Variants in ASAP1 observed in about 807,000 individuals in gnomAD.
ASAP1 encodes the protein arf-GAP with SH3 domain, ANK repeat and PH domain-containing protein 1.
A neutral mutation model predicts 145.2 loss-of-function variants in ASAP1; 43 were observed. The ratio of observed to expected loss-of-function variants is 0.30; its 90% CI spans 0.23 to 0.38. The LOEUF is 0.38. Ranked by LOEUF, ASAP1 falls within the 10% of genes least tolerant of loss-of-function variation. The probability of loss-of-function intolerance (pLI) is 1.00; values close to 1 mark genes in which losing one functional copy is unlikely to be tolerated. For missense variants in ASAP1, 1,018 were observed against 1,355.3 expected (o/e 0.75, Z 3.91); for synonymous variants, 546 against 515.5 (o/e 1.06, Z -0.80).
In ASAP1 at chr8:130,079,984, C is replaced by T. The variant is rs764639162; in HGVS notation, c.2573-13G>A. 6 of 1,612,388 alleles carry T rather than the reference C, an allele frequency of 3.7e-6. No homozygotes were observed. The highest frequency in any genetic ancestry group is 5.1e-6 in the Non-Finnish European group (6 of 1,178,590). On this transcript the variant is annotated splice_polypyrimidine_tract_variant and intron_variant, in intron 25 of 29. Coordinates refer to ENST00000518721, the MANE Select transcript of ASAP1 (RefSeq NM_018482.4). The stretch of plus-strand genomic sequence containing the variant: ...CCCCCATCGTTACCTACAAGGAAAA[C>T]CGAAGGTGAAAAGGTATGTCTTTAG...
intron 4 of ASAP1, among the ~76,000 whole-genome samples, chr8:130,217,278 A>G (rs544954688): frequency 5.3e-5 from 8 of 152,264 alleles, no homozygotes; most frequent in Non-Finnish European, 1.2e-4. Flanking sequence ...AAATGAATAA[A>G]TAGATATTTA....
intron 3 of ASAP1, among the ~76,000 whole-genome samples, chr8:130,328,216 A>C (rs1361575009): frequency 6.6e-6 from 1 of 152,206 alleles, no homozygotes; most frequent in Non-Finnish European, 1.5e-5. Context: ...GTGGACAAAA[A>C]AAAAGGCTTG....
At chr8:130,438,698 G>A (rs765438661) in intron 1 of ASAP1, among the ~76,000 whole-genome samples, 2 of 152,104 alleles carry the variant, frequency 1.3e-5, no homozygotes, top group African/African-American at 2.4e-5. Flanking sequence ...CAATCGGGCC[G>A]ACAGCTGAAG....
At chr8:130,128,277 G>C (rs2097578288) in intron 15 of ASAP1, among the ~76,000 whole-genome samples, 187 bp from the exon 16 acceptor site, 1 of 151,498 alleles carries the variant, frequency 6.6e-6, no homozygotes, top group African/African-American at 2.4e-5. Flanking sequence ...GAAGGAAGGT[G>C]AGAGTTAAAG....
At chr8:130,241,655 A>C (rs1375732265) in intron 3 of ASAP1, among the ~76,000 whole-genome samples, 1 of 152,162 alleles carries the variant, frequency 6.6e-6, no homozygotes, top group East Asian at 1.9e-4. Flanking sequence ...TTTTGAATAA[A>C]GTTTAAAGGT....
Position 130,169,084 on chromosome 8 carries a change from CAG to C in ASAP1, c.747-19_747-18del, listed in dbSNP as rs1480601811. 5 of 1,452,688 alleles carry C rather than the reference CAG, an allele frequency of 3.4e-6. No individual in the cohort carries two copies. In the African/African-American group the frequency reaches 7.3e-5, roughly 21 times the overall value. The allele number at this position is 1,452,688 out of a possible 1,614,324, so 90.0% of individuals were successfully genotyped here. On this transcript the variant is annotated intron_variant, in intron 9 of 29. Coordinates refer to ENST00000518721, the MANE Select transcript of ASAP1 (RefSeq NM_018482.4). ...TGAAAGAAACTACAATTAAAAAAAT[CAG>C]AGATTTACCACCAGTATAAAAAAAA...
chr8:130,074,684 C>A (rs575309325), intron 27 of ASAP1, among the ~76,000 whole-genome samples: 10 of 152,226 alleles, frequency 6.6e-5, no homozygotes, highest in African/African-American at 1.9e-4. Flanking sequence ...GGCCACCATG[C>A]CAGGCAGGTG....
chr8:130,324,931 C>T (rs958406439), intron 3 of ASAP1, among the ~76,000 whole-genome samples: 4 of 152,192 alleles, frequency 2.6e-5, no homozygotes, highest in Admixed American at 6.5e-5. Context: ...CTCGTAACCC[C>T]GAGCTCTGCA....
chr8:130,318,140 G>A (rs1823776663), intron 3 of ASAP1, among the ~76,000 whole-genome samples: 1 of 152,282 alleles, frequency 6.6e-6, no homozygotes, highest in East Asian at 1.9e-4. Context: ...GTAACATAGT[G>A]ATGCAGTCAC....
chr8:130,207,236 C>G (rs1050628714), intron 5 of ASAP1, among the ~76,000 whole-genome samples: 1 of 151,982 alleles, frequency 6.6e-6, no homozygotes, highest in African/African-American at 2.4e-5. Flanking sequence ...AACAACAAAT[C>G]GTTTGTTATG....
At chr8:130,186,119 C>T (rs1328902343) in intron 7 of ASAP1, among the ~76,000 whole-genome samples, 2 of 152,108 alleles carry the variant, frequency 1.3e-5, no homozygotes, top group African/African-American at 4.8e-5. Context: ...CTCTGGGCAG[C>T]GGCAGTACTT....
intron 13 of ASAP1, among the ~76,000 whole-genome samples, chr8:130,148,543 T>C (rs540297396): frequency 1.3e-5 from 2 of 152,332 alleles, no homozygotes; most frequent in South Asian, 4.1e-4. Context: ...AAGTGCTGCA[T>C]AAATGGCAGT....
At chr8:130,387,175 A>T (rs1201693524) in intron 2 of ASAP1, among the ~76,000 whole-genome samples, 1 of 152,188 alleles carries the variant, frequency 6.6e-6, no homozygotes, top group Non-Finnish European at 1.5e-5. Context: ...AGAGAATCTC[A>T]GTAAATCCTA....
At chr8:130,154,451 T>C (rs1188003614) in intron 12 of ASAP1, among the ~76,000 whole-genome samples, 1 of 152,186 alleles carries the variant, frequency 6.6e-6, no homozygotes, top group Non-Finnish European at 1.5e-5. Flanking sequence ...GCAAATGCAC[T>C]AGTTGAGACT....
At position 130,172,436 on chromosome 8, in the gene ASAP1, T is replaced by C. The variant is rs533546725; in HGVS notation, c.747-3369A>G. On this transcript the variant is annotated intron_variant, in intron 9 of 29. Transcript: ENST00000518721. ...ACTCCAGAAACTACTGAAATAAACA[T>C]TTTTTAAAAATAAGAGAACACTAAT... 4.3e-3 allele frequency among the ~76,000 whole-genome samples: 654 copies of C among 152,260 alleles called. 9 individuals carry two copies. The highest frequency in any genetic ancestry group is 0.015 in the African/African-American group (622 of 41,550).
chr8:130,227,314 GCAATTA>G (rs1817641926), intron 4 of ASAP1, among the ~76,000 whole-genome samples: 1 of 151,992 alleles, frequency 6.6e-6, no homozygotes, highest in South Asian at 2.1e-4. Flanking sequence ...GCACACTGGC[GCAATTA>G]CAGCTCACTG....
At chr8:130,401,786 CTTGTGT>C (rs1241229782) in intron 2 of ASAP1, 93 bp downstream of exon 2, 1 of 1,103,506 alleles carries the variant, frequency 9.1e-7, no homozygotes, top group Non-Finnish European at 1.3e-6. Context: ...GATTCCAGTG[CTTGTGT>C]TTGATAAAAT....
intron 3 of ASAP1, among the ~76,000 whole-genome samples, chr8:130,283,583 G>GAAAAAAAAAAAAAAAAAAAAAAAAAAAA (rs745389921): frequency 1.0e-5 from 1 of 98,792 alleles, no homozygotes; most frequent in South Asian, 3.3e-4. Context: ...CTCCATCACA[G>GAAAAAAAAAAAAAAAAAAAAAAAAAAAA]AAAGAAAAAA....
At chr8:130,429,240 G>A (rs905954903) in intron 1 of ASAP1, among the ~76,000 whole-genome samples, 6 of 152,128 alleles carry the variant, frequency 3.9e-5, no homozygotes. Context: ...ACAATCTGAG[G>A]TTTTGGGGGT....
Sources: gnomAD v4.1 joint callset for allele counts (sites outside exome capture counted in the v4.1 genomes callset) on GRCh38, gnomAD v4.1.1 for gene constraint, MANE v1.5 for transcripts, NCBI Gene and HGNC (gene_info 2026-07-23, HGNC 2026-07-21) for gene names.